NINJ2: variants seen among roughly 807,000 people sequenced by gnomAD.
The protein encoded by NINJ2 is ninjurin 2, also known as ninjurin-2.
In NINJ2, 12 loss-of-function variants were observed where a neutral mutation model predicts 11.7. The ratio of observed to expected loss-of-function variants is 1.02; its 90% CI spans 0.66 to 1.66. The LOEUF is 1.66. Ranked by LOEUF, NINJ2 falls within the 40% of genes most tolerant of loss-of-function variation. The probability of loss-of-function intolerance (pLI) is 0.00; values close to 1 mark genes in which losing one functional copy is unlikely to be tolerated. For missense variants in NINJ2, 187 were observed against 181.8 expected, an observed-to-expected ratio of 1.03 and a Z score of -0.16; for synonymous variants, 93 against 76.8, an observed-to-expected ratio of 1.21 and a Z score of -1.10.
chr12:570,588 G>GTGGGC (rs2120793350), intron 1 of NINJ2, among the ~76,000 whole-genome samples: 1 of 152,376 alleles, frequency 6.6e-6, no homozygotes, highest in African/African-American at 2.4e-5. Context: ...ACCCGGGAAT[G>GTGGGC]TGGGCTGGAC....
At chr12:583,749 GA>G (rs1416258274) in intron 1 of NINJ2, among the ~76,000 whole-genome samples, 2 of 152,210 alleles carry the variant, frequency 1.3e-5, no homozygotes, top group Non-Finnish European at 2.9e-5. Context: ...CTCGAAGTGT[GA>G]GTGGCAGCCT....
chr12:590,014 AG>A, intron 1 of NINJ2, among the ~76,000 whole-genome samples: 1 of 152,292 alleles, frequency 6.6e-6, no homozygotes, highest in East Asian at 1.9e-4. Context: ...GGGGCTGATG[AG>A]GCACTTAGGC....
chr12:632,305 C>G (rs907089145), intron 1 of NINJ2: 3 of 152,166 alleles, frequency 2.0e-5, no homozygotes, highest in African/African-American at 7.2e-5. Flanking sequence ...AATCTCTTTT[C>G]TTTGTTTGTC....
intron 1 of NINJ2, among the ~76,000 whole-genome samples, chr12:639,620 C>A (rs192689336): frequency 6.6e-6 from 1 of 152,246 alleles, no homozygotes; most frequent in East Asian, 1.9e-4. Context: ...GTTTGAGGTA[C>A]CTATAAGGAG....
chr12:602,496 T>C (rs2535393), intron 1 of NINJ2, among the ~76,000 whole-genome samples: 91,566 of 152,152 alleles, frequency 0.6, 27,983 homozygotes, highest in African/African-American at 0.7. Context: ...AGATATTTCA[T>C]TGGATATACA....
intron 1 of NINJ2, among the ~76,000 whole-genome samples, chr12:588,987 T>C (rs1037084518): frequency 6.6e-6 from 1 of 152,198 alleles, no homozygotes; most frequent in Non-Finnish European, 1.5e-5. Flanking sequence ...CTGACAATTA[T>C]CTATTAAAAT....
intron 1 of NINJ2, among the ~76,000 whole-genome samples, chr12:595,329 T>C (rs1393755085): frequency 6.6e-6 from 1 of 152,220 alleles, no homozygotes; most frequent in Non-Finnish European, 1.5e-5. Context: ...TGTTATGTCA[T>C]AACAATATGA....
chr12:631,124 A>T (rs1269339202), intron 1 of NINJ2: 7 of 151,808 alleles, frequency 4.6e-5, no homozygotes, highest in African/African-American at 1.7e-4. Flanking sequence ...TCTATTTCTA[A>T]CTCAATGCCA....
At position 624,837 on chromosome 12, in the gene NINJ2, G is replaced by A. The variant is rs555204564; in HGVS notation, c.33+38491C>T. Among the ~76,000 whole-genome samples, 893 of 147,908 alleles carry A rather than the reference G, an allele frequency of 6.0e-3. 2 individuals carry two copies. Among genetic ancestry groups the A allele is most frequent in the Non-Finnish European group, 9.3e-3 (626 of 67,272 alleles). The stretch of plus-strand genomic sequence containing the variant: ...AAAAAAAAAAAAGATGGCTGGGCGC[G>A]GTGGCTCACGCCTGTAATCCCAGCA... On this transcript the variant is annotated intron_variant, in intron 1 of 3. Transcript: ENST00000305108.
At position 605,670 on chromosome 12, in the gene NINJ2, C is replaced by A. The variant is rs560963517; in HGVS notation, c.34-39492G>T. Reference sequence around the variant, plus strand: ...CCTACATTTCTGCATTGAAGCTCCCCAGCAAACAAGCCCTACCCATGCAGA... The same window carrying A: ...CCTACATTTCTGCATTGAAGCTCCCAAGCAAACAAGCCCTACCCATGCAGA... On this transcript the variant is annotated intron_variant, in intron 1 of 3. Coordinates refer to ENST00000305108, the MANE Select transcript of NINJ2 (RefSeq NM_016533.6). 1.2e-4 allele frequency among the ~76,000 whole-genome samples: 18 copies of A among 152,338 alleles called. 1 individual carries two copies. In the South Asian group the frequency reaches 3.7e-3, roughly 32 times the overall value.
chr12:625,499 C>T (rs1366776372), intron 1 of NINJ2, among the ~76,000 whole-genome samples: 1 of 151,932 alleles, frequency 6.6e-6, no homozygotes, highest in African/African-American at 2.4e-5. Flanking sequence ...TTTGGGAGTT[C>T]TCTGGAGGCT....
At position 616,064 on chromosome 12, in the gene NINJ2, A is replaced by G. The variant is rs551973484; in HGVS notation, c.33+47264T>C. Among the ~76,000 whole-genome samples, 155 of 152,336 alleles carry G rather than the reference A, an allele frequency of 1.0e-3. 2 individuals are homozygous for G. The highest frequency in any genetic ancestry group is 2.0e-3 in the Non-Finnish European group (134 of 68,024). On this transcript the variant is annotated intron_variant, in intron 1 of 3. Transcript: ENST00000305108. The stretch of plus-strand genomic sequence containing the variant: ...AAAGCTGATAAGAATTTGTTGCGGT[A>G]AAGGAAGTTCTCAGGAAGGTAAAGG...
intron 1 of NINJ2, among the ~76,000 whole-genome samples, chr12:653,018 C>CTTTTTTTTTT (rs377056940): frequency 1.0e-5 from 1 of 96,200 alleles, no homozygotes; most frequent in African/African-American, 4.0e-5. Context: ...TATTTTGTTT[C>CTTTTTTTTTT]TTTTTTTTTT....
At chr12:618,178 A>G (rs12367803) in intron 1 of NINJ2, among the ~76,000 whole-genome samples, 6,102 of 142,620 alleles carry the variant, frequency 0.043, 203 homozygotes, top group Middle Eastern at 0.1. Context: ...CGGCTGCAGT[A>G]TGTGGTTAAA....
chr12:610,360 C>T, intron 1 of NINJ2: 2 of 1,535,554 alleles, frequency 1.3e-6, no homozygotes, highest in Non-Finnish European at 1.7e-6. Flanking sequence ...TACATCATGA[C>T]TCAGATCCCA....
chr12:609,770 C>CAAAAAAAAAAAAAAA lies in NINJ2; in HGVS notation c.34-43607_34-43593dup, dbSNP rs1185755822. On this transcript the variant is annotated intron_variant, in intron 1 of 3. Transcript: ENST00000305108. ...TGGGCAACAGAGTGAGACTCTGCCT[C>CAAAAAAAAAAAAAAA]AAAAAAAAAAAAAAAAATAGGGAAA... Among the ~76,000 whole-genome samples, 829 of 88,226 alleles carry CAAAAAAAAAAAAAAA rather than the reference C, an allele frequency of 9.4e-3. 10 individuals are homozygous for CAAAAAAAAAAAAAAA. Among genetic ancestry groups the CAAAAAAAAAAAAAAA allele is most frequent in the Non-Finnish European group, 0.013 (598 of 47,504 alleles). 57.9% of individuals were successfully genotyped at this position (88,226 alleles called of 152,430 possible).
At chr12:600,351 G>C (rs1460364262) in intron 1 of NINJ2, among the ~76,000 whole-genome samples, 1 of 152,056 alleles carries the variant, frequency 6.6e-6, no homozygotes, top group African/African-American at 2.4e-5. Flanking sequence ...TCAGGAGTTA[G>C]AGACCAGCCT....
chr12:627,895 A>C (rs531379654), intron 1 of NINJ2, among the ~76,000 whole-genome samples: 54 of 152,206 alleles, frequency 3.5e-4, no homozygotes, highest in Non-Finnish European at 7.3e-4. Context: ...AAATTGGGCC[A>C]CTGCACTCCA....
chr12:589,390 T>G (rs1404590835), intron 1 of NINJ2: 1 of 152,254 alleles, frequency 6.6e-6, no homozygotes, highest in Non-Finnish European at 1.5e-5. Context: ...AACAAAGTAT[T>G]CAGAGGATCT....
Sources: gnomAD v4.1 joint callset for allele counts (sites outside exome capture counted in the v4.1 genomes callset) on GRCh38, gnomAD v4.1.1 for gene constraint, MANE v1.5 for transcripts, NCBI Gene and HGNC (gene_info 2026-07-23, HGNC 2026-07-21) for gene names.